The following PPP1R8 variants were observed in gnomAD, a reference collection of about 807,000 sequenced individuals.
PPP1R8 encodes the protein nuclear inhibitor of protein phosphatase 1.
A neutral mutation model predicts 31.3 loss-of-function variants in PPP1R8; 4 were observed. That is an observed-to-expected ratio of 0.13 (90% CI 0.06 to 0.29). PPP1R8 has a LOEUF of 0.29. PPP1R8 is among the 10% of genes least tolerant of loss of function. PPP1R8 has a pLI of 1.00. For missense variants in PPP1R8, 254 were observed against 440.1 expected (o/e 0.58, Z 3.78); for synonymous variants, 170 against 169.7 (o/e 1.00, Z -0.01).
chr1:27,832,357 G>A (rs1393869359), intron 1 of PPP1R8, among the ~76,000 whole-genome samples: 5 of 152,158 alleles, frequency 3.3e-5, no homozygotes, highest in Non-Finnish European at 4.4e-5. Context: ...ATCTTGATGA[G>A]CCCCAAACAG....
chr1:27,848,277 C>T (rs556044003), intron 6 of PPP1R8, among the ~76,000 whole-genome samples: 1 of 152,048 alleles, frequency 6.6e-6, no homozygotes, highest in African/African-American at 2.4e-5. Flanking sequence ...TGGTGGTGGG[C>T]GCCTATAGTC....
intron 6 of PPP1R8, among the ~76,000 whole-genome samples, chr1:27,849,570 C>G (rs1015610607): frequency 3.9e-5 from 6 of 152,094 alleles, no homozygotes; most frequent in African/African-American, 1.4e-4. Flanking sequence ...CATCTCAGCT[C>G]ATTGCAAACT....
intron 5 of PPP1R8, among the ~76,000 whole-genome samples, chr1:27,844,914 T>TC (rs1375965866): frequency 8.7e-5 from 11 of 126,782 alleles, no homozygotes; most frequent in Non-Finnish European, 1.7e-4. Flanking sequence ...TTTTTTTTTT[T>TC]AGTAGAGACG....
chr1:27,835,927 T>C (rs1037416963), intron 2 of PPP1R8, among the ~76,000 whole-genome samples: 8 of 152,238 alleles, frequency 5.3e-5, no homozygotes, highest in Non-Finnish European at 1.2e-4. Flanking sequence ...GTAAAACTCA[T>C]AGCATAGTGT....
At chr1:27,839,403 C>G (rs770101776) in intron 3 of PPP1R8, among the ~76,000 whole-genome samples, 9 of 152,096 alleles carry the variant, frequency 5.9e-5, no homozygotes, top group South Asian at 4.1e-4. Flanking sequence ...CGGCGGGTGC[C>G]TGTAATTCCA....
In PPP1R8 at chr1:27,847,148, C is replaced by T. The variant is rs11809403; in HGVS notation, c.702+56C>T. On this transcript the variant is annotated intron_variant, in intron 6 of 6. Coordinates refer to ENST00000311772, the MANE Select transcript of PPP1R8 (RefSeq NM_014110.5). ...GTGTTTTAAAACCTGCTCTTTAGGC[C>T]AGGCGCGTTGGCTTATGCCTGTAAT... 4.6e-3 allele frequency: 7,092 copies of T among 1,551,668 alleles called. 196 individuals carry two copies. In the African/African-American group the frequency reaches 0.076, roughly 17 times the overall value.
rs201666740 is a variant in PPP1R8, at chr1:27,849,232, G to A, written c.703-861G>A. ...ACTAAAAATACAAAATTAGCCAGGC[G>A]TGGTGGCGCATGCCTGTAATCCCAG... On this transcript the variant is annotated intron_variant, in intron 6 of 6. Coordinates refer to ENST00000311772, the MANE Select transcript of PPP1R8 (RefSeq NM_014110.5). Among the ~76,000 whole-genome samples the A allele has an allele frequency of 9.2e-4, 140 of 152,058 alleles. No homozygotes were observed. In the East Asian group the frequency reaches 0.023, roughly 25 times the overall value.
chr1:27,843,438 C>CTTA, intron 5 of PPP1R8, 108 bp downstream of exon 5: 1 of 1,376,662 alleles, frequency 7.3e-7, no homozygotes, highest in Middle Eastern at 2.3e-4. Flanking sequence ...GGGTGGATCA[C>CTTA]TTAAGGTCAA....
rs755477130 is a variant in PPP1R8, at chr1:27,851,372, A to G, written c.*926A>G. ...TCTTGTTATTCAGAGCTCCAAGACT[A>G]GACCTGGCTAACAAACATAGGAGAC... On this transcript the variant is annotated 3_prime_UTR_variant, in exon 7 of 7. Transcript: ENST00000311772. The G allele has an allele frequency of 4.6e-5, 16 of 349,774 alleles. No homozygotes were observed. The highest frequency in any genetic ancestry group is 8.6e-5 in the Non-Finnish European group (15 of 174,912). 21.7% of individuals were successfully genotyped at this position (349,774 alleles called of 1,614,324 possible).
intron 1 of PPP1R8, 126 bp downstream of exon 1, chr1:27,831,017 A>G (rs767112970): frequency 8.0e-5 from 113 of 1,418,652 alleles, no homozygotes; most frequent in Non-Finnish European, 9.6e-5. Flanking sequence ...GGTTGAGGAA[A>G]AACTGTTTGC....
chr1:27,837,619 C>CA (rs371719066), intron 2 of PPP1R8, among the ~76,000 whole-genome samples: 1 of 148,396 alleles, frequency 6.7e-6, no homozygotes, highest in Non-Finnish European at 1.5e-5. Flanking sequence ...ACTAAAAATA[C>CA]AAAAAATTAG....
chr1:27,834,439 T>G, intron 2 of PPP1R8: 1 of 518,942 alleles, frequency 1.9e-6, no homozygotes, highest in East Asian at 5.4e-5. Context: ...TATCCTAGCC[T>G]TGTGTCAAAG....
intron 1 of PPP1R8, chr1:27,831,129 AG>A: frequency 7.7e-7 from 1 of 1,301,294 alleles, no homozygotes. Context: ...TCACTTAGGC[AG>A]CCCCTTTGAG....
chr1:27,848,538 T>G (rs895769021), intron 6 of PPP1R8, among the ~76,000 whole-genome samples: 1 of 152,162 alleles, frequency 6.6e-6, no homozygotes, highest in African/African-American at 2.4e-5. Context: ...AGTAGTGAGA[T>G]CCCTGTTAAT....
At chr1:27,835,434 A>G (rs1200067014) in intron 2 of PPP1R8, among the ~76,000 whole-genome samples, 6 of 152,238 alleles carry the variant, frequency 3.9e-5, no homozygotes, top group Non-Finnish European at 4.4e-5. Flanking sequence ...CAAAGCAGAC[A>G]TGAAGGTGAC....
At chr1:27,840,288 A>G (rs1340155927) in intron 3 of PPP1R8, among the ~76,000 whole-genome samples, 1 of 152,126 alleles carries the variant, frequency 6.6e-6, no homozygotes, top group Non-Finnish European at 1.5e-5. Flanking sequence ...CCACTCTCCT[A>G]CTACCATACG....
chr1:27,840,205 C>A (rs1322921890), intron 3 of PPP1R8, among the ~76,000 whole-genome samples: 2 of 152,154 alleles, frequency 1.3e-5, no homozygotes, highest in Non-Finnish European at 2.9e-5. Context: ...GAAGTTTGTT[C>A]ATTTTGCCCG....
chr1:27,840,905 G>A (rs2089216342), intron 3 of PPP1R8, 109 bp from the exon 4 acceptor site: 1 of 1,107,914 alleles, frequency 9.0e-7, no homozygotes, highest in East Asian at 2.4e-5. Flanking sequence ...CAAAACTGAT[G>A]TGCTGGGGGG....
At position 27,843,318 on chromosome 1, in the gene PPP1R8, A is replaced by C; in HGVS notation, c.625A>C (p.Ile209Leu). 6.2e-7 allele frequency: 1 copy of C among 1,614,136 alleles called. No homozygotes were observed. Among genetic ancestry groups the C allele is most frequent in the Non-Finnish European group, 8.5e-7 (1 of 1,180,010 alleles). The stretch of plus-strand genomic sequence containing the variant: ...GGTGACATTCAGTGAGGATGATGAG[A>C]TCATCAACCCAGGTGAGGTATCTTG... ...SRVTFSEDDE[I>L]INPEDVDPSV... Residue 209 changes from isoleucine to leucine, a missense_variant, in exon 5 of 7, where the codon ATC becomes CTC. Around this residue, in one of 6 missense-constraint regions of PPP1R8, gnomAD observed 29 missense variants for 99.2 expected, o/e 0.29. Transcript: ENST00000311772.
Sources: allele counts gnomAD v4.1 joint callset (sites outside exome capture counted in the v4.1 genomes callset), GRCh38; gene constraint gnomAD v4.1.1; regional missense constraint gnomAD v4.1.1; transcripts MANE v1.5; gene names NCBI Gene and HGNC (gene_info 2026-07-23, HGNC 2026-07-21).